The following RANBP2 variants were observed in gnomAD, a reference collection of about 807,000 sequenced individuals.
RANBP2 encodes E3 SUMO-protein ligase RanBP2.
Under a neutral mutation model 303.6 loss-of-function variants are expected in RANBP2, and 57 were observed. That is an observed-to-expected ratio of 0.19 (90% CI 0.15 to 0.23). The LOEUF (loss-of-function observed/expected upper bound fraction) is 0.23. RANBP2 is among the 10% of genes least tolerant of loss of function. The probability of loss-of-function intolerance (pLI) is 1.00; values close to 1 mark genes in which losing one functional copy is unlikely to be tolerated. For synonymous variants in RANBP2, 1,167 were observed against 1,301.5 expected (o/e 0.90, Z 2.23); for missense variants, 3,138 against 3,780.8 (o/e 0.83, Z 4.46).
chr2:109,361,602 T>C, the RANBP2 span, among the ~76,000 whole-genome samples: 1 of 152,180 alleles, frequency 6.6e-6, no homozygotes, highest in African/African-American at 2.4e-5. Flanking sequence ...GCCTCCCAAG[T>C]AGCTGGGACT....
the RANBP2 span, among the ~76,000 whole-genome samples, chr2:108,867,957 G>T: frequency 6.6e-6 from 1 of 152,134 alleles, no homozygotes; most frequent in Non-Finnish European, 1.5e-5. Context: ...CCTTGCCTTA[G>T]AATTCTGAAA....
the RANBP2 span, among the ~76,000 whole-genome samples, chr2:109,632,908 A>C: frequency 6.6e-6 from 1 of 152,100 alleles, no homozygotes; most frequent in South Asian, 2.1e-4. Flanking sequence ...CTTTCCCTTC[A>C]AATTCTTTCA....
chr2:109,658,418 C>G, the RANBP2 span, among the ~76,000 whole-genome samples: 1 of 151,716 alleles, frequency 6.6e-6, no homozygotes, highest in Admixed American at 6.6e-5. Flanking sequence ...GGCACTCCAG[C>G]CTGGGTGATG....
At chr2:108,936,866 C>A in the RANBP2 span, among the ~76,000 whole-genome samples, 1 of 152,222 alleles carries the variant, frequency 6.6e-6, no homozygotes, top group Admixed American at 6.5e-5. Flanking sequence ...GGGAGTCCCT[C>A]CTGCCCCATG....
chr2:109,466,119 G>T, the RANBP2 span, among the ~76,000 whole-genome samples: 2 of 118,620 alleles, frequency 1.7e-5, no homozygotes, highest in Non-Finnish European at 3.2e-5. Flanking sequence ...TCGCTCCGTC[G>T]CCCAGGCTGG....
chr2:108,919,304 A>T, the RANBP2 span, among the ~76,000 whole-genome samples: 1 of 152,172 alleles, frequency 6.6e-6, no homozygotes, highest in Non-Finnish European at 1.5e-5. Flanking sequence ...CACTGATGAT[A>T]AGAAAACAGC....
At chr2:109,527,080 T>C in the RANBP2 span, among the ~76,000 whole-genome samples, 1 of 152,176 alleles carries the variant, frequency 6.6e-6, no homozygotes, top group Non-Finnish European at 1.5e-5. Flanking sequence ...ATTTTTACAA[T>C]AGCTACCAGA....
the RANBP2 span, among the ~76,000 whole-genome samples, chr2:109,670,462 C>T: frequency 2.0e-5 from 3 of 151,408 alleles, no homozygotes; most frequent in African/African-American, 7.3e-5. Flanking sequence ...GCACAACTGC[C>T]CGAGGCAGAT....
chr2:108,981,416 T>G, the RANBP2 span, among the ~76,000 whole-genome samples: 1 of 152,206 alleles, frequency 6.6e-6, no homozygotes, highest in Non-Finnish European at 1.5e-5. Context: ...AGGTCTGGTA[T>G]GACTGCTATT....
the RANBP2 span, among the ~76,000 whole-genome samples, chr2:109,557,873 G>T: frequency 6.8e-6 from 1 of 146,726 alleles, no homozygotes. Context: ...TTTTGAGACG[G>T]GGTCTCACTG....
the RANBP2 span, chr2:108,876,333 C>A: frequency 2.6e-6 from 2 of 768,030 alleles, no homozygotes; most frequent in Non-Finnish European, 4.0e-6. Flanking sequence ...ACAATTCTAC[C>A]AAGTAAAGTT....
the RANBP2 span, chr2:108,883,260 T>C: frequency 6.6e-6 from 1 of 152,238 alleles, no homozygotes; most frequent in African/African-American, 2.4e-5. Flanking sequence ...TAGCACCCAG[T>C]TGAGATGAGA....
chr2:108,934,584 G>A, the RANBP2 span, among the ~76,000 whole-genome samples: 1 of 152,152 alleles, frequency 6.6e-6, no homozygotes, highest in African/African-American at 2.4e-5. Flanking sequence ...TGGGGTTCTG[G>A]TTCTGGGAAG....
chr2:109,314,810 C>A, the RANBP2 span, among the ~76,000 whole-genome samples: 3 of 152,214 alleles, frequency 2.0e-5, no homozygotes, highest in Non-Finnish European at 2.9e-5. Context: ...GTACTGGCAT[C>A]ATATTTCTGT....
the RANBP2 span, among the ~76,000 whole-genome samples, chr2:108,961,974 G>A: frequency 1.3e-5 from 2 of 152,178 alleles, no homozygotes; most frequent in Non-Finnish European, 2.9e-5. Context: ...GAGGGGAAGC[G>A]CAGCTGTAAG....
chr2:109,531,079 C>T, the RANBP2 span, among the ~76,000 whole-genome samples: 1 of 152,200 alleles, frequency 6.6e-6, no homozygotes, highest in South Asian at 2.1e-4. Context: ...CATCTCCCAT[C>T]TAGCAGGGAG....
At chr2:109,261,609 G>C in the RANBP2 span, among the ~76,000 whole-genome samples, 3 of 152,212 alleles carry the variant, frequency 2.0e-5, no homozygotes, top group African/African-American at 7.2e-5. Context: ...GCATGGGGCT[G>C]CAGGTGGTGT....
chr2:108,986,184 T>C, the RANBP2 span, among the ~76,000 whole-genome samples: 1 of 152,192 alleles, frequency 6.6e-6, no homozygotes, highest in Non-Finnish European at 1.5e-5. Flanking sequence ...GTTACTAGAC[T>C]ATCTTAGACT....
At chr2:108,809,487 T>A in the RANBP2 span, among the ~76,000 whole-genome samples, 883 of 143,010 alleles carry the variant, frequency 6.2e-3, 9 homozygotes, top group African/African-American at 0.021. Context: ...TGTGTGTGTG[T>A]GATCTTCAGT....
Sources: allele counts gnomAD v4.1 joint callset (sites outside exome capture counted in the v4.1 genomes callset), GRCh38; gene constraint gnomAD v4.1.1; transcripts MANE v1.5; gene names NCBI Gene and HGNC (gene_info 2026-07-23, HGNC 2026-07-21).